SMARCA2: variants seen among roughly 807,000 people sequenced by gnomAD.
The protein encoded by SMARCA2 is SWI/SNF related BAF chromatin remodeling complex subunit ATPase 2, also known as SWI/SNF-related matrix-associated actin-dependent regulator of chromatin subfamily A member 2.
In SMARCA2, 61 loss-of-function variants were observed where a neutral mutation model predicts 199.8. The ratio of observed to expected loss-of-function variants is 0.31; its 90% CI spans 0.25 to 0.38. SMARCA2 has a LOEUF of 0.38. Ranked by LOEUF, SMARCA2 falls within the 10% of genes least tolerant of loss-of-function variation. The pLI, the probability that SMARCA2 is intolerant of heterozygous loss-of-function variation, is 1.00. For synonymous variants in SMARCA2, 935 were observed against 732.0 expected, an observed-to-expected ratio of 1.28 and a Z score of -4.48; for missense variants, 1,344 against 2,012.2, an observed-to-expected ratio of 0.67 and a Z score of 6.35.
intron 27 of SMARCA2, among the ~76,000 whole-genome samples, chr9:2,141,209 C>T (rs1258912262): frequency 6.6e-6 from 1 of 152,144 alleles, no homozygotes; most frequent in Non-Finnish European, 1.5e-5. Context: ...ACTATCTCCT[C>T]CTTTCCCTGT....
At chr9:2,176,612 C>T (rs974129209) in intron 29 of SMARCA2, among the ~76,000 whole-genome samples, 1 of 152,110 alleles carries the variant, frequency 6.6e-6, no homozygotes, top group Non-Finnish European at 1.5e-5. Context: ...ACTGCAGGGG[C>T]ATGATCTCAG....
chr9:2,076,824 C>A (rs996469583), intron 13 of SMARCA2, among the ~76,000 whole-genome samples: 1 of 152,064 alleles, frequency 6.6e-6, no homozygotes, highest in African/African-American at 2.4e-5. Context: ...CCTCTCCAGC[C>A]CTCCGAGTGC....
chr9:2,182,251 TGTTAA>T lies in SMARCA2; in HGVS notation c.4461+13_4461+17del, dbSNP rs369239696. ...ACCTGGAGGGATCCCAGGTCTGTCT[TGTTAA>T]GTTGTCTAAAAGTTCTTAACTGTAA... On this transcript the variant is annotated intron_variant, in intron 31 of 33. Transcript: ENST00000349721. The T allele has an allele frequency of 1.3e-4, 201 of 1,567,694 alleles. No individual in the cohort carries two copies. Among genetic ancestry groups the T allele is most frequent in the Admixed American group, 5.2e-4 (30 of 57,610 alleles).
In SMARCA2 at chr9:2,147,380, A is replaced by G. The variant is rs145522188; in HGVS notation, c.3982-14306A>G. ...ACGAAAACATTCATTAGGGTGAGAA[A>G]ATAATATGTCACTTATATGTACATG... On this transcript the variant is annotated intron_variant, in intron 27 of 33. Coordinates refer to ENST00000349721, the MANE Select transcript of SMARCA2 (RefSeq NM_003070.5). 2.1e-3 allele frequency among the ~76,000 whole-genome samples: 317 copies of G among 152,320 alleles called. 1 individual carries two copies. Among genetic ancestry groups the G allele is most frequent in the African/African-American group, 7.4e-3 (308 of 41,566 alleles).
chr9:2,188,897 G>A (rs966864238), intron 32 of SMARCA2, among the ~76,000 whole-genome samples: 1 of 152,198 alleles, frequency 6.6e-6, no homozygotes, highest in Admixed American at 6.5e-5. Context: ...GTGGAAGGCT[G>A]TTCCCAACAG....
intron 9 of SMARCA2, among the ~76,000 whole-genome samples, chr9:2,065,718 C>T (rs535802647): frequency 1.3e-5 from 2 of 152,230 alleles, no homozygotes; most frequent in South Asian, 4.1e-4. Context: ...TAATCTCTTA[C>T]AGTTTCCCCA....
intron 21 of SMARCA2, among the ~76,000 whole-genome samples, chr9:2,098,064 G>C (rs975593911): frequency 1.3e-5 from 2 of 152,200 alleles, no homozygotes; most frequent in African/African-American, 4.8e-5. Context: ...TTCACTCCAT[G>C]TGAATAAGTT....
intron 9 of SMARCA2, among the ~76,000 whole-genome samples, chr9:2,066,572 C>T (rs1185750460): frequency 2.0e-5 from 3 of 152,132 alleles, no homozygotes; most frequent in African/African-American, 7.2e-5. Context: ...TATCATGTCC[C>T]CTTACATGAT....
At chr9:2,101,750 C>T (rs1822524594) in intron 22 of SMARCA2, 134 bp downstream of exon 22, 4 of 484,982 alleles carry the variant, frequency 8.2e-6, no homozygotes, top group Middle Eastern at 4.0e-4. Flanking sequence ...GAGAAGTTAA[C>T]CAAAACGGTA....
intron 27 of SMARCA2, among the ~76,000 whole-genome samples, chr9:2,139,267 C>T (rs2130679374): frequency 6.6e-6 from 1 of 152,308 alleles, no homozygotes; most frequent in Non-Finnish European, 1.5e-5. Context: ...GGAGTTAGTA[C>T]TCAAATCAGT....
intron 12 of SMARCA2, chr9:2,075,285 G>A (rs564417333): frequency 1.3e-5 from 2 of 152,514 alleles, no homozygotes; most frequent in South Asian, 2.1e-4. Context: ...TTGATAGTTT[G>A]TCAATTCATA....
chr9:2,174,116 A>T (rs1826404871), intron 29 of SMARCA2, among the ~76,000 whole-genome samples: 1 of 152,116 alleles, frequency 6.6e-6, no homozygotes, highest in African/African-American at 2.4e-5. Flanking sequence ...GAGACACAGA[A>T]TGCTTCCCCT....
intron 3 of SMARCA2, among the ~76,000 whole-genome samples, chr9:2,034,652 C>T (rs1036483867): frequency 5.3e-5 from 8 of 152,294 alleles, no homozygotes; most frequent in Middle Eastern, 3.4e-3. Context: ...TCCATCCACT[C>T]GAGGGAAGAC....
At chr9:2,028,411 A>AT (rs1183755607) in intron 1 of SMARCA2, among the ~76,000 whole-genome samples, 1 of 152,226 alleles carries the variant, frequency 6.6e-6, no homozygotes, top group Non-Finnish European at 1.5e-5. Context: ...AATTACATAT[A>AT]TGAGTATTTG....
At chr9:2,186,307 A>ATCTGT in intron 32 of SMARCA2, 79 bp downstream of exon 32, 1 of 1,429,444 alleles carries the variant, frequency 7.0e-7, no homozygotes, top group African/African-American at 1.6e-5. Flanking sequence ...TTCACAGAAG[A>ATCTGT]GACTTTAGAG....
At chr9:2,109,842 A>G (rs963066933) in intron 23 of SMARCA2, among the ~76,000 whole-genome samples, 21 of 152,310 alleles carry the variant, frequency 1.4e-4, no homozygotes, top group African/African-American at 3.6e-4. Flanking sequence ...GCCTATTGGC[A>G]AAGTTTATTT....
Position 2,161,547 on chromosome 9 carries a change from A to T in SMARCA2, c.3982-139A>T. 1 of 620,292 alleles carries T rather than the reference A, an allele frequency of 1.6e-6. No homozygotes were observed. The highest frequency in any genetic ancestry group is 2.8e-6 in the Non-Finnish European group (1 of 353,650). 38.4% of individuals were successfully genotyped at this position (620,292 alleles called of 1,614,324 possible). ...CTTTTTTCTTCTTCCTCCACTGATT[A>T]CTGTTAACTTTTACTTTTTTTTGGT... On this transcript the variant is annotated intron_variant, in intron 27 of 33. Transcript: ENST00000349721. This position sits in a 1 kb window ranked among gnomAD's most constrained non-coding sequence, Gnocchi z 4.7.
At chr9:2,068,756 A>T (rs1820954700) in intron 9 of SMARCA2, among the ~76,000 whole-genome samples, 1 of 152,248 alleles carries the variant, frequency 6.6e-6, no homozygotes, top group Non-Finnish European at 1.5e-5. Flanking sequence ...CTATGCAGAA[A>T]TAGTATAGCT....
At chr9:2,040,878 G>A (rs986320815) in intron 4 of SMARCA2, 3 of 152,596 alleles carry the variant, frequency 2.0e-5, no homozygotes, top group African/African-American at 7.2e-5. Context: ...GATCTTCCAT[G>A]AAGGTTGTTT....
Sources: allele counts gnomAD v4.1 joint callset (sites outside exome capture counted in the v4.1 genomes callset), GRCh38; gene constraint gnomAD v4.1.1; non-coding constraint Gnocchi (gnomAD v3.1); transcripts MANE v1.5; gene names NCBI Gene and HGNC (gene_info 2026-07-23, HGNC 2026-07-21).